The following GIGYF2 variants were observed in gnomAD, a reference collection of about 807,000 sequenced individuals.
The protein encoded by GIGYF2 is GRB10 interacting GYF protein 2, also known as GRB10-interacting GYF protein 2.
In GIGYF2, 25 loss-of-function variants were observed where a neutral mutation model predicts 208.1. That is an observed-to-expected ratio of 0.12 (90% CI 0.09 to 0.17). The LOEUF is 0.17. Ranked by LOEUF, GIGYF2 falls within the 10% of genes least tolerant of loss-of-function variation. GIGYF2 has a pLI of 1.00. For missense variants in GIGYF2, 1,302 were observed against 1,579.4 expected, an observed-to-expected ratio of 0.82 and a Z score of 2.98; for synonymous variants, 534 against 543.8, an observed-to-expected ratio of 0.98 and a Z score of 0.25.
At chr2:232,735,680 T>C in intron 3 of GIGYF2, 2 of 994,712 alleles carry the variant, frequency 2.0e-6, no homozygotes, top group Non-Finnish European at 2.4e-6. Flanking sequence ...TTCAGTATTA[T>C]ACTGGCTGTT....
chr2:232,758,068 G>A (rs1273808324), intron 6 of GIGYF2, among the ~76,000 whole-genome samples: 2 of 152,162 alleles, frequency 1.3e-5, no homozygotes, highest in South Asian at 2.1e-4. Flanking sequence ...TCAACCACCC[G>A]TGATTCTTCT....
At chr2:232,795,670 G>A (rs1700201200) in intron 13 of GIGYF2, among the ~76,000 whole-genome samples, 1 of 152,106 alleles carries the variant, frequency 6.6e-6, no homozygotes, top group African/African-American at 2.4e-5. Context: ...GGCTGAGGTA[G>A]GAGGATCGCT....
intron 8 of GIGYF2, among the ~76,000 whole-genome samples, chr2:232,769,892 A>G (rs1173058504): frequency 1.3e-5 from 2 of 152,188 alleles, no homozygotes; most frequent in Non-Finnish European, 2.9e-5. Context: ...TGGTTTTAGT[A>G]CTGTGATTTT....
intron 8 of GIGYF2, among the ~76,000 whole-genome samples, chr2:232,784,816 G>C (rs1459330029): frequency 6.6e-6 from 1 of 152,186 alleles, no homozygotes; most frequent in East Asian, 1.9e-4. Context: ...ATCACATGTT[G>C]AAATGTGATC....
intron 6 of GIGYF2, among the ~76,000 whole-genome samples, chr2:232,756,723 C>T (rs1045580915): frequency 2.8e-4 from 42 of 152,178 alleles, no homozygotes; most frequent in African/African-American, 9.9e-4. Flanking sequence ...GGGGCGTGTG[C>T]CAAGAGCTTC....
chr2:232,853,055 C>G (rs1269946201), intron 28 of GIGYF2, among the ~76,000 whole-genome samples: 1 of 152,208 alleles, frequency 6.6e-6, no homozygotes, highest in African/African-American at 2.4e-5. Flanking sequence ...AAAATTACTG[C>G]TCACCTAAAC....
intron 8 of GIGYF2, chr2:232,766,791 C>T (rs1297422782): frequency 6.6e-6 from 1 of 152,180 alleles, no homozygotes; most frequent in Non-Finnish European, 1.5e-5. Flanking sequence ...TGCCTTTACT[C>T]AGCTAGTATT....
intron 21 of GIGYF2, among the ~76,000 whole-genome samples, chr2:232,820,608 C>A (rs1701049738): frequency 6.6e-6 from 1 of 151,214 alleles, no homozygotes; most frequent in South Asian, 2.1e-4. Context: ...GCTGCTGTGC[C>A]CGGCCATCAC....
intron 14 of GIGYF2, among the ~76,000 whole-genome samples, chr2:232,802,673 GTGT>G (rs1253536349): frequency 6.6e-6 from 1 of 152,088 alleles, no homozygotes; most frequent in Non-Finnish European, 1.5e-5. Context: ...TTTTGCATCA[GTGT>G]TCATAAAGGA....
At position 232,858,964 on chromosome 2, in the gene GIGYF2, C is replaced by A. The variant is rs1690675217; in HGVS notation, c.*2104C>A. Reference sequence around the variant, plus strand: ...CCCAACTAGACTCTGTGTGTGTATTCAGGAAAAATGAAAATAAATTTTTAA... The same window carrying A: ...CCCAACTAGACTCTGTGTGTGTATTAAGGAAAAATGAAAATAAATTTTTAA... On this transcript the variant is annotated 3_prime_UTR_variant, in exon 29 of 29. Transcript: ENST00000373563. 1 of 153,836 alleles carries A rather than the reference C, an allele frequency of 6.5e-6. No individual in the cohort carries two copies. The highest frequency in any genetic ancestry group is 6.5e-5 in the Admixed American group (1 of 15,424). The allele number at this position is 153,836 out of a possible 1,614,324, so 9.5% of individuals were successfully genotyped here.
At position 232,857,214 on chromosome 2, in the gene GIGYF2, GTCACTTTTTTTCTTC is replaced by G. The variant is rs141663554; in HGVS notation, c.*356_*370del. 14,402 of 353,644 alleles carry G rather than the reference GTCACTTTTTTTCTTC, an allele frequency of 0.041. 444 individuals are homozygous for G. Among genetic ancestry groups the G allele is most frequent in the Middle Eastern group, 0.072 (82 of 1,144 alleles). The allele number at this position is 353,644 out of a possible 1,614,324, so 21.9% of individuals were successfully genotyped here. A position where few individuals can be genotyped will look rare whatever the true frequency, so the allele number is the denominator to read the frequency against. On this transcript the variant is annotated 3_prime_UTR_variant, in exon 29 of 29. Coordinates refer to ENST00000373563, the MANE Select transcript of GIGYF2 (RefSeq NM_001103146.3). The stretch of plus-strand genomic sequence containing the variant: ...GGCCATTAGCAGCTTGCTTTCTCTT[GTCACTTTTTTTCTTC>G]TATTTTGTTTTTTCTTCTTCTTTTT...
chr2:232,793,001 C>T (rs1700117136), intron 12 of GIGYF2, among the ~76,000 whole-genome samples: 1 of 152,104 alleles, frequency 6.6e-6, no homozygotes. Context: ...TCTTGGGATG[C>T]TTCAGGAAGT....
chr2:232,720,427 A>G (rs185400903), intron 2 of GIGYF2, among the ~76,000 whole-genome samples: 8 of 152,318 alleles, frequency 5.3e-5, no homozygotes, highest in African/African-American at 1.7e-4. Flanking sequence ...TTATAGTAGC[A>G]TGATTTATAA....
In GIGYF2 at chr2:232,812,573, A is replaced by G. The variant is rs543567538; in HGVS notation, c.2107+82A>G. 655 of 699,812 alleles carry G rather than the reference A, an allele frequency of 9.4e-4. 1 individual carries two copies. Among genetic ancestry groups the G allele is most frequent in the Non-Finnish European group, 8.8e-4 (342 of 387,004 alleles). 43.4% of individuals were successfully genotyped at this position (699,812 alleles called of 1,614,324 possible). On this transcript the variant is annotated intron_variant, in intron 18 of 28. Coordinates refer to ENST00000373563, the MANE Select transcript of GIGYF2 (RefSeq NM_001103146.3). ...TTTTACAATTCAGTTCTTAAAAAAT[A>G]TATTAGGTTTCTGAATCCATTTTGT...
At chr2:232,705,008 C>A (rs541918251) in intron 2 of GIGYF2, among the ~76,000 whole-genome samples, 30 of 151,800 alleles carry the variant, frequency 2.0e-4, no homozygotes, top group Middle Eastern at 3.4e-3. Flanking sequence ...TACAGGTGCC[C>A]GCCACCACGC....
chr2:232,830,161 T>G (rs1701385403), intron 21 of GIGYF2, among the ~76,000 whole-genome samples: 1 of 152,082 alleles, frequency 6.6e-6, no homozygotes, highest in African/African-American at 2.4e-5. Context: ...TACTTTATGT[T>G]TTTGGAGACA....
chr2:232,735,082 A>T, intron 2 of GIGYF2, 73 bp from the exon 3 acceptor site: 1 of 744,268 alleles, frequency 1.3e-6, no homozygotes, highest in East Asian at 2.7e-5. Context: ...AACACTCTCT[A>T]ACTGTACTTT....
intron 2 of GIGYF2, among the ~76,000 whole-genome samples, chr2:232,714,665 T>C (rs1246680748): frequency 1.3e-5 from 2 of 152,172 alleles, no homozygotes; most frequent in African/African-American, 4.8e-5. Context: ...TCCCCAGAAG[T>C]TTCCCCCAGC....
chr2:232,812,653 G>A (rs922307568), intron 18 of GIGYF2, among the ~76,000 whole-genome samples, 162 bp downstream of exon 18: 8 of 151,944 alleles, frequency 5.3e-5, no homozygotes, highest in Admixed American at 5.2e-4. Context: ...TATTGAAGGT[G>A]TTACTGAAAA....
Sources: allele counts gnomAD v4.1 joint callset (sites outside exome capture counted in the v4.1 genomes callset), GRCh38; gene constraint gnomAD v4.1.1; transcripts MANE v1.5; gene names NCBI Gene and HGNC (gene_info 2026-07-23, HGNC 2026-07-21).